Variants in NOS1AP observed in about 807,000 individuals in gnomAD.
NOS1AP encodes the protein nitric oxide synthase 1 adaptor protein.
NOS1AP carries 21 observed loss-of-function variants against 56.2 expected under a neutral mutation model. The observed-to-expected ratio is 0.37, with a 90% confidence interval of 0.26 to 0.54. The LOEUF (loss-of-function observed/expected upper bound fraction) is 0.54, where lower values mean the gene tolerates loss of function less well. NOS1AP is among the 20% of genes least tolerant of loss of function. NOS1AP has a pLI of 0.84. For missense variants in NOS1AP, 522 were observed against 657.8 expected (o/e 0.79, Z 2.26); for synonymous variants, 270 against 274.6 (o/e 0.98, Z 0.17).
intron 1 of NOS1AP, among the ~76,000 whole-genome samples, chr1:162,138,444 G>A (rs1368157491): frequency 2.0e-5 from 3 of 152,152 alleles, no homozygotes; most frequent in East Asian, 1.9e-4. Flanking sequence ...ATTAATATGA[G>A]GTTATTAATA....
chr1:162,258,281 A>T (rs1557852225), intron 2 of NOS1AP, among the ~76,000 whole-genome samples: 1 of 152,196 alleles, frequency 6.6e-6, no homozygotes, highest in Non-Finnish European at 1.5e-5. Flanking sequence ...GCACCATGAG[A>T]GCAGGAAGCA....
intron 5 of NOS1AP, among the ~76,000 whole-genome samples, chr1:162,333,496 A>G (rs1435965213): frequency 1.3e-5 from 2 of 152,180 alleles, no homozygotes; most frequent in East Asian, 1.9e-4. Flanking sequence ...ATGAATACAC[A>G]TGGAGTCTGG....
At chr1:162,289,218 TTCCTTCC>T (rs1557864699) in intron 3 of NOS1AP, among the ~76,000 whole-genome samples, 705 of 10,762 alleles carry the variant, frequency 0.066, 23 homozygotes, top group African/African-American at 0.18. Flanking sequence ...CTTTCCTTCC[TTCCTTCC>T]TTCCTTCCTT....
At chr1:162,230,002 G>A (rs1653072192) in intron 2 of NOS1AP, among the ~76,000 whole-genome samples, 1 of 152,128 alleles carries the variant, frequency 6.6e-6, no homozygotes, top group Non-Finnish European at 1.5e-5. Flanking sequence ...AAAATCAACT[G>A]CTAAGATGGG....
At chr1:162,155,424 T>C (rs1649928647) in intron 2 of NOS1AP, among the ~76,000 whole-genome samples, 1 of 149,004 alleles carries the variant, frequency 6.7e-6, no homozygotes, top group Non-Finnish European at 1.5e-5. Flanking sequence ...ATAGAGCCTA[T>C]ATACATACAT....
intron 8 of NOS1AP, among the ~76,000 whole-genome samples, chr1:162,362,188 C>T (rs1279437340): frequency 4.6e-5 from 7 of 152,178 alleles, no homozygotes; most frequent in African/African-American, 7.2e-5. Flanking sequence ...TGGTGGCTCA[C>T]ACCTGTAGTC....
At chr1:162,250,859 T>C (rs189285619) in intron 2 of NOS1AP, among the ~76,000 whole-genome samples, 255 of 152,256 alleles carry the variant, frequency 1.7e-3, no homozygotes, top group African/African-American at 5.9e-3. Flanking sequence ...GACACCTTTT[T>C]CTTGAGCTTT....
intron 2 of NOS1AP, among the ~76,000 whole-genome samples, chr1:162,216,949 C>T (rs1652590779): frequency 6.6e-6 from 1 of 152,126 alleles, no homozygotes; most frequent in Non-Finnish European, 1.5e-5. Context: ...AAGGTGGGCT[C>T]AGCACATTTG....
At chr1:162,322,262 T>G (rs1469222559) in intron 4 of NOS1AP, among the ~76,000 whole-genome samples, 1 of 152,084 alleles carries the variant, frequency 6.6e-6, no homozygotes, top group African/African-American at 2.4e-5. Context: ...TGGGAGGAAG[T>G]GCCTTCAGGT....
At chr1:162,219,500 G>T (rs958628400) in intron 2 of NOS1AP, among the ~76,000 whole-genome samples, 11 of 151,840 alleles carry the variant, frequency 7.2e-5, no homozygotes, top group African/African-American at 2.4e-4. Context: ...TTTCATCTCT[G>T]TCTCCCCTTG....
chr1:162,152,837 A>T (rs12124105), intron 1 of NOS1AP, among the ~76,000 whole-genome samples: 6,809 of 152,272 alleles, frequency 0.045, 215 homozygotes, highest in Non-Finnish European at 0.064. Context: ...TCCCGTAACT[A>T]CAGGACATCC....
chr1:162,267,596 CAA>C (rs71829190), intron 2 of NOS1AP, among the ~76,000 whole-genome samples: 3,120 of 99,856 alleles, frequency 0.031, 37 homozygotes, highest in Non-Finnish European at 0.05. Context: ...CCTGTCTCTA[CAA>C]AAAAAAAAAA....
intron 1 of NOS1AP, among the ~76,000 whole-genome samples, chr1:162,078,788 T>C (rs901936614): frequency 6.6e-6 from 1 of 152,188 alleles, no homozygotes; most frequent in Admixed American, 6.5e-5. Context: ...AACCCAACTG[T>C]AGTACCCACC....
Position 162,070,022 on chromosome 1 carries a change from G to T in NOS1AP, c.-156G>T. On this transcript the variant is annotated 5_prime_UTR_variant, in exon 1 of 10. Coordinates refer to ENST00000361897, the MANE Select transcript of NOS1AP (RefSeq NM_014697.3). ...GCCGCTCGGCCCTCGGCACCGCTCC[G>T]GGTCCGGCCGCCGCGCGGCCAGGGC... The T allele has an allele frequency of 2.2e-6, 1 of 460,450 alleles. No individual in the cohort carries two copies. The highest frequency in any genetic ancestry group is 4.7e-5 in the Admixed American group (1 of 21,138). The allele number at this position is 460,450 out of a possible 1,614,324, so 28.5% of individuals were successfully genotyped here.
At chr1:162,194,965 A>G (rs1006636100) in intron 2 of NOS1AP, among the ~76,000 whole-genome samples, 2 of 152,164 alleles carry the variant, frequency 1.3e-5, no homozygotes, top group African/African-American at 4.8e-5. Flanking sequence ...CATTAACCCT[A>G]TCCAGTCACT....
At chr1:162,260,094 G>A (rs1176537318) in intron 2 of NOS1AP, among the ~76,000 whole-genome samples, 1 of 152,070 alleles carries the variant, frequency 6.6e-6, no homozygotes, top group Non-Finnish European at 1.5e-5. Context: ...ACCACCAAGA[G>A]TGCCATATAT....
intron 2 of NOS1AP, among the ~76,000 whole-genome samples, chr1:162,212,840 C>T (rs892126535): frequency 1.4e-5 from 2 of 145,850 alleles, no homozygotes; most frequent in Non-Finnish European, 3.0e-5. Flanking sequence ...TGGCTGCTGC[C>T]GTGTAGCTTC....
At chr1:162,078,311 C>T (rs1691815359) in intron 1 of NOS1AP, among the ~76,000 whole-genome samples, 2 of 152,330 alleles carry the variant, frequency 1.3e-5, no homozygotes, top group South Asian at 2.1e-4. Context: ...CTTCTGACTT[C>T]ATTGTCTTTT....
intron 2 of NOS1AP, among the ~76,000 whole-genome samples, chr1:162,180,578 G>C (rs1651222792): frequency 6.6e-6 from 1 of 152,198 alleles, no homozygotes; most frequent in Admixed American, 6.5e-5. Flanking sequence ...CATTTTAGCA[G>C]CCTGGAGCGG....
Sources: gnomAD v4.1 joint callset for allele counts (sites outside exome capture counted in the v4.1 genomes callset) on GRCh38, gnomAD v4.1.1 for gene constraint, MANE v1.5 for transcripts, NCBI Gene and HGNC (gene_info 2026-07-23, HGNC 2026-07-21) for gene names.